Variants in DPYSL3 observed in about 807,000 individuals in gnomAD.
DPYSL3 encodes dihydropyrimidinase like 3.
In DPYSL3, 16 loss-of-function variants were observed where a neutral mutation model predicts 66.1. The ratio of observed to expected loss-of-function variants is 0.24; its 90% CI spans 0.16 to 0.37. DPYSL3 has a LOEUF of 0.37. DPYSL3 is among the 10% of genes least tolerant of loss of function. The pLI is 1.00. For missense variants in DPYSL3, 738 were observed against 916.2 expected, an observed-to-expected ratio of 0.81 and a Z score of 2.51; for synonymous variants, 338 against 345.1, an observed-to-expected ratio of 0.98 and a Z score of 0.23.
At chr5:147,426,638 C>G (rs980817262) in intron 1 of DPYSL3, among the ~76,000 whole-genome samples, 8 of 152,092 alleles carry the variant, frequency 5.3e-5, no homozygotes, top group African/African-American at 1.9e-4. Context: ...GATGCTGATT[C>G]TGTAGCCCCT....
At chr5:147,437,758 G>C (rs1012805831) in intron 1 of DPYSL3, among the ~76,000 whole-genome samples, 1 of 152,204 alleles carries the variant, frequency 6.6e-6, no homozygotes, top group African/African-American at 2.4e-5. Flanking sequence ...ATCAGTGCCA[G>C]TTAGCCTGAT....
chr5:147,476,822 G>A lies in DPYSL3; in HGVS notation c.381+32656C>T, dbSNP rs545891360. On this transcript the variant is annotated intron_variant, in intron 1 of 13. Coordinates refer to ENST00000343218, the MANE Select transcript of DPYSL3 (RefSeq NM_001197294.2). ...TTATTTTATTTTAGGAATTCCTAAA[G>A]TGAAATATTAACATGAACAATGTTC... 2.0e-5 allele frequency among the ~76,000 whole-genome samples: 3 copies of A among 152,258 alleles called. No homozygotes were observed. In the South Asian group the frequency reaches 6.2e-4, roughly 32 times the overall value.
chr5:147,446,487 T>C (rs756000716), intron 1 of DPYSL3, among the ~76,000 whole-genome samples: 3 of 152,260 alleles, frequency 2.0e-5, no homozygotes, highest in Non-Finnish European at 2.9e-5. Flanking sequence ...ATGTTGTCCT[T>C]GAATTCCAGA....
At chr5:147,489,805 G>A (rs983047314) in intron 1 of DPYSL3, among the ~76,000 whole-genome samples, 1 of 151,646 alleles carries the variant, frequency 6.6e-6, no homozygotes, top group African/African-American at 2.4e-5. Context: ...GACTCCAAAA[G>A]TGGAAAGGGT....
At chr5:147,505,605 C>A (rs917361762) in intron 1 of DPYSL3, among the ~76,000 whole-genome samples, 6 of 152,136 alleles carry the variant, frequency 3.9e-5, no homozygotes, top group African/African-American at 1.4e-4. Context: ...TAAATAAACT[C>A]ATTTTGTTAA....
intron 1 of DPYSL3, among the ~76,000 whole-genome samples, chr5:147,503,699 C>A (rs1428134468): frequency 6.6e-6 from 1 of 152,086 alleles, no homozygotes; most frequent in African/African-American, 2.4e-5. Flanking sequence ...AAAAAATTTT[C>A]GTTTAAAGAT....
At chr5:147,480,176 G>A (rs6860833) in intron 1 of DPYSL3, among the ~76,000 whole-genome samples, 353 of 152,246 alleles carry the variant, frequency 2.3e-3, no homozygotes, top group African/African-American at 8.3e-3. Flanking sequence ...TCTCTTTCCC[G>A]TTTGCCTGTT....
At chr5:147,477,321 ATAGCCCTGGC>A (rs58745697) in intron 1 of DPYSL3, among the ~76,000 whole-genome samples, 3,859 of 152,294 alleles carry the variant, frequency 0.025, 156 homozygotes, top group African/African-American at 0.087. Flanking sequence ...CTATGACCAG[ATAGCCCTGGC>A]TGAATGAAAA....
At chr5:147,497,107 G>A (rs1753528574) in intron 1 of DPYSL3, among the ~76,000 whole-genome samples, 1 of 152,068 alleles carries the variant, frequency 6.6e-6, no homozygotes, top group South Asian at 2.1e-4. Flanking sequence ...GTAGGGACAT[G>A]GATGAAGCTG....
chr5:147,501,641 G>T (rs150265346), intron 1 of DPYSL3, among the ~76,000 whole-genome samples: 1 of 152,026 alleles, frequency 6.6e-6, no homozygotes, highest in African/African-American at 2.4e-5. Flanking sequence ...ATCACACTTG[G>T]CTAATATTTG....
At chr5:147,496,985 G>A (rs1753526669) in intron 1 of DPYSL3, among the ~76,000 whole-genome samples, 1 of 152,124 alleles carries the variant, frequency 6.6e-6, no homozygotes, top group Admixed American at 6.5e-5. Context: ...CAATAGCAAA[G>A]ACTTGGAACC....
At position 147,509,930 on chromosome 5, in the gene DPYSL3, G is replaced by T. The variant is rs1753736293; in HGVS notation, c.-72C>A. ...GAAAGGGCAGCCGCCGGCAGCGTGC[G>T]CCGAGCCACAGTGACTGTGGCGGGA... On this transcript the variant is annotated 5_prime_UTR_variant, in exon 1 of 14. Transcript: ENST00000343218. The surrounding 1 kb of genome is among the most constrained non-coding windows in gnomAD (Gnocchi z 5.3). The T allele has an allele frequency of 6.2e-6, 9 of 1,451,842 alleles. No individual in the cohort carries two copies. Among genetic ancestry groups the T allele is most frequent in the South Asian group, 1.4e-5 (1 of 70,256 alleles). The allele number at this position is 1,451,842 out of a possible 1,614,324, so 89.9% of individuals were successfully genotyped here. A position where few individuals can be genotyped will look rare whatever the true frequency, so the allele number is the denominator to read the frequency against.
intron 1 of DPYSL3, among the ~76,000 whole-genome samples, chr5:147,432,321 CCAGGGCAGCATTAAT>C (rs1448658895): frequency 3.9e-5 from 6 of 152,138 alleles, no homozygotes; most frequent in African/African-American, 9.7e-5. Flanking sequence ...CAGCAGTAGC[CCAGGGCAGCATTAAT>C]CAGGGCAGAG....
In DPYSL3 at chr5:147,509,992, C is replaced by T; in HGVS notation, c.-134G>A. Reference sequence around the variant, plus strand: ...AGCCTTCGCGCCAGAGGCGGCAGTGCTGCTCCGATTCCTGCTTGTCCCTAG... The same window carrying T: ...AGCCTTCGCGCCAGAGGCGGCAGTGTTGCTCCGATTCCTGCTTGTCCCTAG... On this transcript the variant is annotated 5_prime_UTR_variant, in exon 1 of 14. Coordinates refer to ENST00000343218, the MANE Select transcript of DPYSL3 (RefSeq NM_001197294.2). The surrounding 1 kb of genome is among the most constrained non-coding windows in gnomAD (Gnocchi z 5.3). The T allele has an allele frequency of 7.4e-7, 1 of 1,346,808 alleles. No individual in the cohort carries two copies. The highest frequency in any genetic ancestry group is 1.5e-5 in the South Asian group (1 of 64,748). The allele number at this position is 1,346,808 out of a possible 1,614,324, so 83.4% of individuals were successfully genotyped here.
intron 1 of DPYSL3, among the ~76,000 whole-genome samples, chr5:147,456,032 C>G (rs1752848339): frequency 6.6e-6 from 1 of 152,096 alleles, no homozygotes; most frequent in South Asian, 2.1e-4. Context: ...CTTCTGGATC[C>G]GGCTGCTGTG....
intron 1 of DPYSL3, among the ~76,000 whole-genome samples, chr5:147,494,836 G>A (rs937591862): frequency 1.3e-5 from 2 of 150,410 alleles, no homozygotes; most frequent in South Asian, 2.1e-4. Context: ...CCGAGATCGC[G>A]CCACTGCACT....
chr5:147,506,795 C>T (rs951388151), intron 1 of DPYSL3, among the ~76,000 whole-genome samples: 50 of 152,182 alleles, frequency 3.3e-4, no homozygotes, highest in African/African-American at 1.2e-3. Context: ...TACATGCTTA[C>T]AGTCATATAA....
intron 1 of DPYSL3, among the ~76,000 whole-genome samples, chr5:147,495,655 C>G (rs1753490155): frequency 1.3e-5 from 2 of 152,082 alleles, no homozygotes; most frequent in African/African-American, 2.4e-5. Context: ...ACAATTGCTT[C>G]AAAGAGAATA....
chr5:147,450,976 A>G (rs1404798881), intron 1 of DPYSL3, among the ~76,000 whole-genome samples: 1 of 152,196 alleles, frequency 6.6e-6, no homozygotes, highest in African/African-American at 2.4e-5. Flanking sequence ...CTTTAATCAT[A>G]TTTGCTGCAC....
Sources: gnomAD v4.1 joint callset for allele counts (sites outside exome capture counted in the v4.1 genomes callset) on GRCh38, gnomAD v4.1.1 for gene constraint, Gnocchi (gnomAD v3.1) non-coding constraint, MANE v1.5 for transcripts, NCBI Gene and HGNC (gene_info 2026-07-23, HGNC 2026-07-21) for gene names.